The following ZNF454 variants were observed in gnomAD, a reference collection of about 807,000 sequenced individuals.
ZNF454 encodes the protein zinc finger protein 454.
A neutral mutation model predicts 48.2 loss-of-function variants in ZNF454; 30 were observed. The ratio of observed to expected loss-of-function variants is 0.62; its 90% CI spans 0.47 to 0.84. The LOEUF (loss-of-function observed/expected upper bound fraction) is 0.84, where lower values mean the gene tolerates loss of function less well. ZNF454 is among the 40% of genes least tolerant of loss of function. The pLI is 0.00. For missense variants in ZNF454, 510 were observed against 623.1 expected, an observed-to-expected ratio of 0.82 and a Z score of 1.93; for synonymous variants, 204 against 211.4, an observed-to-expected ratio of 0.97 and a Z score of 0.30.
At position 178,965,036 on chromosome 5, in the gene ZNF454, T is replaced by C. The variant is rs1167546746; in HGVS notation, c.632T>C (p.Ile211Thr). ...NEKNANQKIH[I>T]KEKRYECREC... is the part of the protein sequence containing the mutation. ...AAAAATGCAAATCAGAAAATTCATA[T>C]TAAGGAGAAAAGATATGAATGTAGA... The change falls in exon 5 of 5, where the codon ATT (isoleucine) becomes ACT (threonine). Residue 211 changes from isoleucine to threonine, a missense_variant. Around this residue, in one of 3 missense-constraint regions of ZNF454, gnomAD observed 354 missense variants for 408.9 expected, o/e 0.87. Coordinates refer to ENST00000519564, the MANE Select transcript of ZNF454 (RefSeq NM_001178089.3). This position sits in a 1 kb window ranked among gnomAD's most constrained non-coding sequence, Gnocchi z 5.2. The C allele has an allele frequency of 1.2e-6, 2 of 1,613,928 alleles. No individual in the cohort carries two copies. Among genetic ancestry groups the C allele is most frequent in the South Asian group, 1.1e-5 (1 of 91,066 alleles).
At chr5:178,954,188 G>A (rs2113228105) in intron 4 of ZNF454, among the ~76,000 whole-genome samples, 1 of 152,254 alleles carries the variant, frequency 6.6e-6, no homozygotes, top group Middle Eastern at 3.4e-3. Context: ...AACCCAGGAG[G>A]CAGTGGTTGC....
the ZNF454 span, chr5:178,986,333 T>C: frequency 1.9e-6 from 3 of 1,613,826 alleles, no homozygotes; most frequent in African/African-American, 1.3e-5. Flanking sequence ...TCAGCCACCA[T>C]GAGGAAGGTG....
At chr5:178,949,488 A>G (rs1001564592) in intron 4 of ZNF454, among the ~76,000 whole-genome samples, 22 of 152,148 alleles carry the variant, frequency 1.4e-4, no homozygotes, top group African/African-American at 5.3e-4. Flanking sequence ...TGCTATGATG[A>G]CGTGCTGGTC....
rs527642304 is a variant in ZNF454, at chr5:178,944,203, G to A, written c.33+1379G>A. On this transcript the variant is annotated intron_variant, in intron 2 of 4. Transcript: ENST00000519564. This position sits in a 1 kb window ranked among gnomAD's most constrained non-coding sequence, Gnocchi z 4.1. ...AAAGGATGACCAGCTAGGTGGGAGC[G>A]CCATGTTCAACATAGCACAGCTCAC... Among the ~76,000 whole-genome samples, 4 of 152,236 alleles carry A rather than the reference G, an allele frequency of 2.6e-5. 1 individual carries two copies. The highest frequency in any genetic ancestry group is 4.1e-4 in the South Asian group (2 of 4,820).
the ZNF454 span, chr5:178,985,825 G>A: frequency 1.2e-4 from 62 of 529,036 alleles, no homozygotes; most frequent in Non-Finnish European, 1.6e-4. Context: ...GTAGTGGTGC[G>A]ATCTTGGCTC....
chr5:178,980,185 G>C, the ZNF454 span: 1 of 154,366 alleles, frequency 6.5e-6, no homozygotes, highest in African/African-American at 2.4e-5. This position sits in a 1 kb window ranked among gnomAD's most constrained non-coding sequence, Gnocchi z 4.3. Context: ...ATAAAGTGTG[G>C]TTCACCCTCA....
downstream of ZNF454, chr5:178,969,797 G>A (rs142349333): frequency 1.7e-3 from 629 of 370,478 alleles, 1 homozygote; most frequent in African/African-American, 0.012. Flanking sequence ...AAGGGAATTG[G>A]CATCTAGACT....
chr5:178,968,268 G>A (rs912728627), downstream of ZNF454, among the ~76,000 whole-genome samples: 32 of 152,284 alleles, frequency 2.1e-4, no homozygotes, highest in African/African-American at 7.0e-4. Context: ...GAAGTGGCAA[G>A]TTCCTGGTAT....
At chr5:178,953,543 C>T (rs1561700303) in intron 4 of ZNF454, among the ~76,000 whole-genome samples, 3 of 152,104 alleles carry the variant, frequency 2.0e-5, no homozygotes, top group African/African-American at 7.2e-5. Context: ...TTCACTGTGT[C>T]TCGTGTCTTC....
the ZNF454 span, chr5:178,989,544 G>C: frequency 9.2e-7 from 1 of 1,083,926 alleles, no homozygotes; most frequent in African/African-American, 1.5e-5. Context: ...GGCATGGCCA[G>C]GTGAGCTAGG....
rs1759356380 is a variant in ZNF454 at position 178,946,858 on chromosome 5, A to G, written c.161-39A>G. 6.4e-7 allele frequency: 1 copy of G among 1,563,926 alleles called. No homozygotes were observed. Among genetic ancestry groups the G allele is most frequent in the African/African-American group, 1.4e-5 (1 of 73,766 alleles). On this transcript the variant is annotated intron_variant, in intron 3 of 4. Transcript: ENST00000519564. This position sits in a 1 kb window ranked among gnomAD's most constrained non-coding sequence, Gnocchi z 4.5. ...TTGCAGTGATTTTTATCTCTCGTATAAACAGATGTGGTTCATTTTTGTCTC... is the reference window on the plus strand; with the variant it reads ...TTGCAGTGATTTTTATCTCTCGTATGAACAGATGTGGTTCATTTTTGTCTC...
the ZNF454 span, chr5:178,982,905 A>G: frequency 1.2e-6 from 2 of 1,610,696 alleles, no homozygotes; most frequent in Non-Finnish European, 1.7e-6. Context: ...TGGGGACCTC[A>G]TTACCTTTTC....
chr5:178,986,956 T>C, the ZNF454 span: 5 of 1,613,896 alleles, frequency 3.1e-6, no homozygotes, highest in African/African-American at 2.7e-5. Flanking sequence ...TCCGTTCTCG[T>C]TGAACATCAC....
At chr5:178,969,911 T>C (rs1760215433), downstream of ZNF454, among the ~76,000 whole-genome samples, 1 of 152,236 alleles carries the variant, frequency 6.6e-6, no homozygotes, top group African/African-American at 2.4e-5. Context: ...CAGATTCCTC[T>C]GCCCGTCTCC....
chr5:178,980,007 G>A, the ZNF454 span: 1 of 154,326 alleles, frequency 6.5e-6, no homozygotes, highest in Admixed American at 6.5e-5. This position sits in a 1 kb window ranked among gnomAD's most constrained non-coding sequence, Gnocchi z 4.3. Flanking sequence ...CTATAGAGAA[G>A]CCCTAGGAAC....
chr5:178,946,226 C>A lies in ZNF454; in HGVS notation c.34-133C>A. 1.6e-6 allele frequency: 2 copies of A among 1,239,284 alleles called. No individual in the cohort carries two copies. Among genetic ancestry groups the A allele is most frequent in the Non-Finnish European group, 2.2e-6 (2 of 891,160 alleles). The allele number at this position is 1,239,284 out of a possible 1,614,324, so 76.8% of individuals were successfully genotyped here. On this transcript the variant is annotated intron_variant, in intron 2 of 4. Coordinates refer to ENST00000519564, the MANE Select transcript of ZNF454 (RefSeq NM_001178089.3). The surrounding 1 kb of genome is among the most constrained non-coding windows in gnomAD (Gnocchi z 4.5). ...AGACCCTGAAGAGTGATGAACTTGT[C>A]ACAGAACGCCAGCTCCCTGTGTGCC...
At chr5:178,989,068 C>A in the ZNF454 span, 1 of 1,613,996 alleles carries the variant, frequency 6.2e-7, no homozygotes, top group Middle Eastern at 1.6e-4. Context: ...TGGCGTACAC[C>A]GCATCAATCA....
the ZNF454 span, chr5:178,989,206 TCCCCACC>T: frequency 9.1e-6 from 2 of 220,656 alleles, no homozygotes; most frequent in Admixed American, 1.2e-4. Context: ...GCCTTCCCCC[TCCCCACC>T]CTCACCACCC....
chr5:178,964,602 T>C, intron 4 of ZNF454, 53 bp from the exon 5 acceptor site: 3 of 1,381,514 alleles, frequency 2.2e-6, no homozygotes, highest in Non-Finnish European at 3.0e-6. Context: ...TCTTGCCCCA[T>C]CCAAATGTTT....
Sources: allele counts gnomAD v4.1 joint callset (sites outside exome capture counted in the v4.1 genomes callset), GRCh38; gene constraint gnomAD v4.1.1; regional missense constraint gnomAD v4.1.1; non-coding constraint Gnocchi (gnomAD v3.1); transcripts MANE v1.5; gene names NCBI Gene and HGNC (gene_info 2026-07-23, HGNC 2026-07-21).